LARP4B: variants seen among roughly 807,000 people sequenced by gnomAD.
The protein encoded by LARP4B is la-related protein 4B.
A neutral mutation model predicts 89.8 loss-of-function variants in LARP4B; 12 were observed. The observed-to-expected ratio is 0.13, with a 90% CI of 0.09 to 0.22. The LOEUF is 0.22. Ranked by LOEUF, LARP4B falls within the 10% of genes least tolerant of loss-of-function variation. The pLI, the probability that LARP4B is intolerant of heterozygous loss-of-function variation, is 1.00. For synonymous variants in LARP4B, 367 were observed against 363.3 expected (o/e 1.01, Z -0.12); for missense variants, 757 against 947.7 (o/e 0.80, Z 2.64).
intron 1 of LARP4B, among the ~76,000 whole-genome samples, chr10:918,440 C>A (rs1836886246): frequency 6.6e-6 from 1 of 152,064 alleles, no homozygotes; most frequent in Non-Finnish European, 1.5e-5. Context: ...TGAGACCAGC[C>A]TGTGCAACAA....
intron 1 of LARP4B, among the ~76,000 whole-genome samples, chr10:927,764 C>T (rs1218991056): frequency 6.6e-6 from 1 of 152,172 alleles, no homozygotes; most frequent in Non-Finnish European, 1.5e-5. Flanking sequence ...CATGTCTTCT[C>T]CCCATTGGAA....
chr10:827,442 T>A (rs1832691299), intron 11 of LARP4B, among the ~76,000 whole-genome samples: 1 of 152,106 alleles, frequency 6.6e-6, no homozygotes, highest in Non-Finnish European at 1.5e-5. Context: ...ATAAAATTGG[T>A]CATATATAAA....
Position 817,627 on chromosome 10 carries a change from T to C in LARP4B, c.1695+98A>G. 2.5e-6 allele frequency: 3 copies of C among 1,222,748 alleles called. No homozygotes were observed. The South Asian group carries it at 4.5e-5, about 18-fold the overall frequency. 75.7% of individuals were successfully genotyped at this position (1,222,748 alleles called of 1,614,324 possible). A position where few individuals can be genotyped will look rare whatever the true frequency, so the allele number is the denominator to read the frequency against. On this transcript the variant is annotated intron_variant, in intron 15 of 17. Coordinates refer to ENST00000316157, the MANE Select transcript of LARP4B (RefSeq NM_015155.3). ...TGGCCTCCAAGCCTCTCTTGAGTAT[T>C]AAAAACAAACATGTATAAAGAGCTC...
At chr10:815,248 C>G in intron 15 of LARP4B, 178 bp from the exon 16 acceptor site, 1 of 521,312 alleles carries the variant, frequency 1.9e-6, no homozygotes, top group Non-Finnish European at 3.0e-6. Flanking sequence ...CCCCACAGAT[C>G]GCCCACCCTT....
the LARP4B span, among the ~76,000 whole-genome samples, chr10:970,413 G>A: frequency 6.6e-6 from 1 of 152,152 alleles, no homozygotes; most frequent in Non-Finnish European, 1.5e-5. Flanking sequence ...ACTGGATTAA[G>A]CAATATCTTC....
the LARP4B span, among the ~76,000 whole-genome samples, chr10:938,543 G>A: frequency 1.3e-5 from 2 of 152,268 alleles, no homozygotes; most frequent in South Asian, 2.1e-4. Context: ...GTGAGCCACC[G>A]CGCCCGGCCG....
At chr10:975,954 CGTGTGG>C in the LARP4B span, among the ~76,000 whole-genome samples, 1 of 142,444 alleles carries the variant, frequency 7.0e-6, no homozygotes, top group Non-Finnish European at 1.5e-5. Context: ...TGTCGTGCAA[CGTGTGG>C]ACCCGGCCTA....
At chr10:976,645 G>A in the LARP4B span, among the ~76,000 whole-genome samples, 4 of 151,722 alleles carry the variant, frequency 2.6e-5, no homozygotes, top group African/African-American at 9.7e-5. Flanking sequence ...GCAACGTGTG[G>A]ACCCTGCCTA....
At chr10:891,612 A>T (rs941862166) in intron 1 of LARP4B, among the ~76,000 whole-genome samples, 2 of 152,196 alleles carry the variant, frequency 1.3e-5, no homozygotes, top group African/African-American at 4.8e-5. Flanking sequence ...AGTTCACTAT[A>T]CTATTCTGTC....
intron 3 of LARP4B, among the ~76,000 whole-genome samples, chr10:877,926 C>T (rs987866957): frequency 6.6e-6 from 1 of 152,140 alleles, no homozygotes; most frequent in Non-Finnish European, 1.5e-5. Flanking sequence ...AACTGCTACA[C>T]GTAAAGGGTC....
rs1257196292 is a variant in LARP4B at position 809,598 on chromosome 10, GT to G, written c.*3327del. ...CCTACATTTTTTTTCAAATTAGACA[GT>G]TTTACACTGAATGACACAAAAGGAA... On this transcript the variant is annotated 3_prime_UTR_variant, in exon 18 of 18. Transcript: ENST00000316157. 1 of 152,418 alleles carries G rather than the reference GT, an allele frequency of 6.6e-6. No homozygotes were observed. Among genetic ancestry groups the G allele is most frequent in the East Asian group, 1.9e-4 (1 of 5,186 alleles). The allele number at this position is 152,418 out of a possible 1,614,324, so 9.4% of individuals were successfully genotyped here.
At chr10:923,082 A>C (rs977379499) in intron 1 of LARP4B, among the ~76,000 whole-genome samples, 10 of 152,176 alleles carry the variant, frequency 6.6e-5, no homozygotes, top group Middle Eastern at 3.2e-3. Flanking sequence ...TCAAAAAAAA[A>C]AACAAATCAT....
chr10:888,344 A>C (rs894992172), intron 1 of LARP4B, among the ~76,000 whole-genome samples: 2 of 151,268 alleles, frequency 1.3e-5, no homozygotes, highest in African/African-American at 2.4e-5. Flanking sequence ...AAACAAAAAA[A>C]AAAAAACACA....
chr10:912,826 A>G (rs756495932), intron 1 of LARP4B, among the ~76,000 whole-genome samples: 3 of 152,060 alleles, frequency 2.0e-5, no homozygotes, highest in Non-Finnish European at 4.4e-5. Context: ...TGCAGAGGTC[A>G]CTGCACTCCA....
In LARP4B at chr10:814,666, G is replaced by C; in HGVS notation, c.1929+76C>G. The C allele has an allele frequency of 6.4e-7, 1 of 1,552,194 alleles. No individual in the cohort carries two copies. The highest frequency in any genetic ancestry group is 8.7e-7 in the Non-Finnish European group (1 of 1,147,336). ...TTAGATGTGATTAAAAAACGAGCAG[G>C]TGCAGGAGTGCGCAGCGTCTGTTCA... On this transcript the variant is annotated intron_variant, in intron 17 of 17. Transcript: ENST00000316157. The surrounding 1 kb of genome is among the most constrained non-coding windows in gnomAD (Gnocchi z 4.4).
intron 1 of LARP4B, among the ~76,000 whole-genome samples, chr10:925,289 T>C (rs1837107153): frequency 6.6e-6 from 1 of 152,120 alleles, no homozygotes; most frequent in African/African-American, 2.4e-5. Flanking sequence ...GTTCAACTGG[T>C]CAGAACACCT....
the LARP4B span, among the ~76,000 whole-genome samples, chr10:982,739 G>T: frequency 1.6e-4 from 24 of 152,328 alleles, no homozygotes; most frequent in African/African-American, 5.5e-4. Flanking sequence ...GTCTGCCACA[G>T]AAATTTTGAA....
At chr10:841,516 G>T (rs1032753960) in intron 7 of LARP4B, among the ~76,000 whole-genome samples, 2 of 152,198 alleles carry the variant, frequency 1.3e-5, no homozygotes, top group Non-Finnish European at 2.9e-5. Flanking sequence ...CCTCATGGTT[G>T]GTGGAAACGA....
At position 814,678 on chromosome 10, in the gene LARP4B, G is replaced by A. The variant is rs1403425225; in HGVS notation, c.1929+64C>T. The A allele has an allele frequency of 7.7e-6, 12 of 1,553,516 alleles. No homozygotes were observed. Among genetic ancestry groups the A allele is most frequent in the South Asian group, 1.2e-5 (1 of 84,132 alleles). On this transcript the variant is annotated intron_variant, in intron 17 of 17. Coordinates refer to ENST00000316157, the MANE Select transcript of LARP4B (RefSeq NM_015155.3). This position sits in a 1 kb window ranked among gnomAD's most constrained non-coding sequence, Gnocchi z 4.4. ...AAAAAACGAGCAGGTGCAGGAGTGCGCAGCGTCTGTTCACACCAGAGCCTC... is the reference window on the plus strand; with the variant it reads ...AAAAAACGAGCAGGTGCAGGAGTGCACAGCGTCTGTTCACACCAGAGCCTC...
Sources: gnomAD v4.1 joint callset for allele counts (sites outside exome capture counted in the v4.1 genomes callset) on GRCh38, gnomAD v4.1.1 for gene constraint, Gnocchi (gnomAD v3.1) non-coding constraint, MANE v1.5 for transcripts, NCBI Gene and HGNC (gene_info 2026-07-23, HGNC 2026-07-21) for gene names.